The following HMGB1 variants were observed in gnomAD, a reference collection of about 807,000 sequenced individuals.
The protein encoded by HMGB1 is high mobility group protein B1.
For missense variants in HMGB1, 79 were observed against 253.5 expected, an observed-to-expected ratio of 0.31 and a Z score of 4.67; for synonymous variants, 81 against 84.0, an observed-to-expected ratio of 0.96 and a Z score of 0.19.
intron 1 of HMGB1, among the ~76,000 whole-genome samples, chr13:30,577,624 A>C (rs1484772613): frequency 6.6e-6 from 1 of 152,166 alleles, no homozygotes; most frequent in Admixed American, 6.5e-5. Flanking sequence ...GAGTCAGATC[A>C]CTGCGGATTA....
intron 1 of HMGB1, among the ~76,000 whole-genome samples, chr13:30,503,350 T>TAA (rs879464322): frequency 7.4e-6 from 1 of 135,756 alleles, no homozygotes; most frequent in African/African-American, 2.7e-5. Context: ...TCTCAAAAAA[T>TAA]AAAAAAAAAA....
At chr13:30,566,833 G>A (rs1247780025) in intron 1 of HMGB1, among the ~76,000 whole-genome samples, 1 of 152,222 alleles carries the variant, frequency 6.6e-6, no homozygotes, top group Non-Finnish European at 1.5e-5. Flanking sequence ...AAGGTAAGCA[G>A]TGATGAAATA....
At chr13:30,529,208 C>T (rs1888443729) in intron 1 of HMGB1, among the ~76,000 whole-genome samples, 2 of 152,086 alleles carry the variant, frequency 1.3e-5, no homozygotes, top group Admixed American at 6.6e-5. Context: ...ACATCTCCAT[C>T]ACAATGTGAC....
intron 1 of HMGB1, among the ~76,000 whole-genome samples, chr13:30,579,186 G>C (rs1486053098): frequency 6.6e-6 from 1 of 152,186 alleles, no homozygotes; most frequent in African/African-American, 2.4e-5. Context: ...GAAAAAGTGA[G>C]AAGAAACTCT....
At chr13:30,464,793 G>A (rs1319501366) in intron 1 of HMGB1, 1 of 209,962 alleles carries the variant, frequency 4.8e-6, no homozygotes, top group South Asian at 1.6e-4. Flanking sequence ...GTGTGTATGA[G>A]AGAGTGTGTG....
At chr13:30,517,015 A>G (rs1413950415) in intron 1 of HMGB1, among the ~76,000 whole-genome samples, 2 of 152,250 alleles carry the variant, frequency 1.3e-5, no homozygotes, top group African/African-American at 2.4e-5. Context: ...AAACATGAAA[A>G]TAAGTATTTC....
chr13:30,527,431 G>C (rs761378409), intron 1 of HMGB1, among the ~76,000 whole-genome samples: 8 of 152,020 alleles, frequency 5.3e-5, no homozygotes, highest in Non-Finnish European at 1.2e-4. Flanking sequence ...CTACCTCTGA[G>C]CCTCTTCCCA....
At chr13:30,589,125 C>G (rs1871273528) in intron 1 of HMGB1, among the ~76,000 whole-genome samples, 1 of 151,290 alleles carries the variant, frequency 6.6e-6, no homozygotes, top group African/African-American at 2.4e-5. Context: ...CCAGCCTCAG[C>G]CTCCCGAGTA....
At chr13:30,614,524 C>G (rs556694824) in intron 1 of HMGB1, among the ~76,000 whole-genome samples, 1 of 152,254 alleles carries the variant, frequency 6.6e-6, no homozygotes, top group African/African-American at 2.4e-5. Context: ...ATTCCAATAT[C>G]AAGTTTAGAC....
Position 30,554,510 on chromosome 13 carries a change from G to C in HMGB1, c.-15+62161C>G, listed in dbSNP as rs1271929091. On this transcript the variant is annotated intron_variant, in intron 1 of 4. Transcript: ENST00000405805. ...AATAGAAGGAGCAAAATGTATAAAG[G>C]TAGATTCTAGTATACAGAAACGGTG... The C allele has an allele frequency of 8.2e-6, 8 of 976,312 alleles. No individual in the cohort carries two copies. In the East Asian group the frequency reaches 1.9e-4, roughly 23 times the overall value. The allele number at this position is 976,312 out of a possible 1,614,324, so 60.5% of individuals were successfully genotyped here.
chr13:30,495,711 C>T (rs1399856550), intron 1 of HMGB1, among the ~76,000 whole-genome samples: 2 of 152,184 alleles, frequency 1.3e-5, no homozygotes, highest in East Asian at 3.9e-4. Flanking sequence ...ATCTCCTGAC[C>T]CTGTGATCCG....
intron 1 of HMGB1, chr13:30,540,348 C>T (rs1210267392): frequency 1.2e-5 from 2 of 160,036 alleles, no homozygotes; most frequent in Non-Finnish European, 1.4e-5. Context: ...CCAGTTTGAG[C>T]AGCACGACAC....
At chr13:30,519,033 A>G (rs1304093818) in intron 1 of HMGB1, among the ~76,000 whole-genome samples, 2 of 151,990 alleles carry the variant, frequency 1.3e-5, no homozygotes, top group African/African-American at 4.8e-5. Context: ...CCAAATAAAC[A>G]TTCTCTAGAC....
At chr13:30,538,553 CTTTTTCTTTCTTCTTTTT>C (rs1868619958) in intron 1 of HMGB1, among the ~76,000 whole-genome samples, 1 of 69,670 alleles carries the variant, frequency 1.4e-5, no homozygotes, top group Admixed American at 1.6e-4. Context: ...TTCTTTCTTT[CTTTTTCTTTCTTCTTTTT>C]CTTTCTTTCT....
intron 1 of HMGB1, among the ~76,000 whole-genome samples, chr13:30,526,489 C>A (rs1450320313): frequency 6.6e-6 from 1 of 152,192 alleles, no homozygotes; most frequent in Non-Finnish European, 1.5e-5. Flanking sequence ...AACAGTGAGA[C>A]TGGTTCTGCC....
At chr13:30,466,915 C>T (rs2137414668), upstream of HMGB1, among the ~76,000 whole-genome samples, 1 of 152,266 alleles carries the variant, frequency 6.6e-6, no homozygotes, top group East Asian at 1.9e-4. Context: ...GCTATCTTTC[C>T]CTCCCATCAC....
At chr13:30,581,543 TC>T (rs1157154699) in intron 1 of HMGB1, among the ~76,000 whole-genome samples, 1 of 152,240 alleles carries the variant, frequency 6.6e-6, no homozygotes, top group African/African-American at 2.4e-5. Context: ...AAAATACTTA[TC>T]ATCTGACCTT....
At position 30,462,691 on chromosome 13, in the gene HMGB1, G is replaced by A. The variant is rs202081642; in HGVS notation, c.318C>T (p.Cys106=). The A allele has an allele frequency of 5.0e-6, 8 of 1,611,858 alleles. No individual in the cohort carries two copies. The East Asian group carries it at 1.6e-4, about 31-fold the overall frequency. The part of the protein sequence containing the change: ...KRPPSAFFLF[C]SEYRPKIKGE... ...CTTTGATTTTTGGGCGATACTCAGA[G>A]CAGAAGAGGAAGAAGGCCGAACTAA... The change falls in exon 4 of 5, where the codon TGC becomes TGT. Residue 106 remains cysteine (C), a synonymous_variant. Coordinates refer to ENST00000341423, the MANE Select transcript of HMGB1 (RefSeq NM_002128.7).
intron 1 of HMGB1, among the ~76,000 whole-genome samples, chr13:30,572,138 A>C (rs1439632001): frequency 1.3e-5 from 2 of 152,276 alleles, no homozygotes; most frequent in African/African-American, 4.8e-5. Context: ...GACAACAGCA[A>C]GTATAAAACA....
Sources: gnomAD v4.1 joint callset for allele counts (sites outside exome capture counted in the v4.1 genomes callset) on GRCh38, gnomAD v4.1.1 for gene constraint, MANE v1.5 for transcripts, NCBI Gene and HGNC (gene_info 2026-07-23, HGNC 2026-07-21) for gene names.